AGAP5: variants seen among roughly 807,000 people sequenced by gnomAD.
The protein encoded by AGAP5 is ArfGAP with GTPase domain, ankyrin repeat and PH domain 5.
Under a neutral mutation model 27.7 loss-of-function variants are expected in AGAP5, and 8 were observed. The ratio of observed to expected loss-of-function variants is 0.29; its 90% CI spans 0.17 to 0.52. The LOEUF is 0.52. Among genes scored for constraint, AGAP5 ranks in the 20% least tolerant of loss-of-function variants. The probability of loss-of-function intolerance (pLI) is 0.97; values close to 1 mark genes in which losing one functional copy is unlikely to be tolerated. For missense variants in AGAP5, 285 were observed against 880.8 expected (o/e 0.32, Z 8.56); for synonymous variants, 111 against 338.0 (o/e 0.33, Z 7.37).
chr10:73,696,293 C>T (rs1325786039), intron 2 of AGAP5, among the ~76,000 whole-genome samples: 2 of 152,176 alleles, frequency 1.3e-5, no homozygotes, highest in Non-Finnish European at 2.9e-5. Context: ...GCTGGGATTA[C>T]AGGCGTGAGC....
At chr10:73,688,813 C>T (rs1324244758) in intron 4 of AGAP5, among the ~76,000 whole-genome samples, 1 of 152,054 alleles carries the variant, frequency 6.6e-6, no homozygotes, top group South Asian at 2.1e-4. Context: ...ATTTCAGAAC[C>T]TTAGAGAGAG....
intron 4 of AGAP5, among the ~76,000 whole-genome samples, chr10:73,688,988 G>A (rs569446568): frequency 1.3e-5 from 2 of 148,228 alleles, no homozygotes; most frequent in South Asian, 2.1e-4. Flanking sequence ...TGCCTCTGCC[G>A]CCTCCGCCTC....
intron 6 of AGAP5, among the ~76,000 whole-genome samples, chr10:73,679,387 C>A (rs906398716): frequency 6.6e-6 from 1 of 152,054 alleles, no homozygotes; most frequent in Non-Finnish European, 1.5e-5. Flanking sequence ...TGGTCTCGAT[C>A]TCCTGACCTT....
chr10:73,686,070 T>C (rs1210931552), intron 4 of AGAP5, among the ~76,000 whole-genome samples: 2 of 152,194 alleles, frequency 1.3e-5, no homozygotes, highest in African/African-American at 4.8e-5. Flanking sequence ...GAAATTTATA[T>C]GGACCAAACA....
intron 4 of AGAP5, among the ~76,000 whole-genome samples, chr10:73,689,677 G>A (rs1442384375): frequency 6.7e-6 from 1 of 149,074 alleles, no homozygotes; most frequent in African/African-American, 2.5e-5. Context: ...CTGCCCGGCC[G>A]CCCCGTCTGA....
chr10:73,695,502 C>T (rs2082153712), intron 2 of AGAP5, among the ~76,000 whole-genome samples: 1 of 152,206 alleles, frequency 6.6e-6, no homozygotes. Context: ...TGTGTAACAT[C>T]CATCAGGCTT....
chr10:73,676,374 G>A (rs2081980007), intron 7 of AGAP5, among the ~76,000 whole-genome samples: 1 of 140,656 alleles, frequency 7.1e-6, no homozygotes, highest in South Asian at 2.3e-4. Context: ...CAGTTACTCG[G>A]GAGGCTGAGG....
In AGAP5 at chr10:73,698,014, A is replaced by T. The variant is rs1020775397; in HGVS notation, c.-259T>A. ...AGGGTGAAGACCAGCTGGCTTATTT[A>T]ATAGGTTGTGAACCCAACAAGCGCT... is the stretch of plus-strand genomic sequence containing the variant. On this transcript the variant is annotated 5_prime_UTR_variant, in exon 1 of 8. Coordinates refer to ENST00000374094, the MANE Select transcript of AGAP5 (RefSeq NM_001144000.4). The T allele has an allele frequency of 6.9e-7, 1 of 1,442,986 alleles. No individual in the cohort carries two copies. The highest frequency in any genetic ancestry group is 1.4e-5 in the African/African-American group (1 of 70,186). The allele number at this position is 1,442,986 out of a possible 1,614,324, so 89.4% of individuals were successfully genotyped here.
At chr10:73,676,308 AG>A (rs1218332664) in intron 7 of AGAP5, among the ~76,000 whole-genome samples, 50,457 of 117,796 alleles carry the variant, frequency 0.43, 12,384 homozygotes, top group Non-Finnish European at 0.57. Context: ...AAAAAAAAAA[AG>A]AAAAGAAAAA....
intron 3 of AGAP5, 84 bp downstream of exon 3, chr10:73,694,652 T>G (rs2082146137): frequency 1.9e-5 from 31 of 1,591,224 alleles, no homozygotes; most frequent in Admixed American, 5.1e-5. Flanking sequence ...TAAACCAATA[T>G]GAGTTTTTCT....
chr10:73,686,190 A>G (rs2082062425), intron 4 of AGAP5, among the ~76,000 whole-genome samples: 1 of 152,252 alleles, frequency 6.6e-6, no homozygotes, highest in African/African-American at 2.4e-5. Context: ...ATAGCACGGT[A>G]CTGATATAAA....
At chr10:73,697,055 C>T in intron 2 of AGAP5, 40 bp downstream of exon 2, 1 of 1,596,928 alleles carries the variant, frequency 6.3e-7, no homozygotes, top group South Asian at 1.1e-5. Flanking sequence ...AACAAAGTCC[C>T]ACAGGATAAT....
intron 2 of AGAP5, 106 bp from the exon 3 acceptor site, chr10:73,694,910 T>A (rs2082148604): frequency 6.3e-7 from 1 of 1,586,442 alleles, no homozygotes. Flanking sequence ...ATCTCTACTT[T>A]GATTCTTATA....
At chr10:73,686,425 A>G (rs574407134) in intron 4 of AGAP5, among the ~76,000 whole-genome samples, 46 of 152,364 alleles carry the variant, frequency 3.0e-4, no homozygotes, top group African/African-American at 1.1e-3. Flanking sequence ...TCAAGGACAT[A>G]AATCTATGAC....
chr10:73,693,698 CAAAAA>C (rs200725473), intron 3 of AGAP5, among the ~76,000 whole-genome samples: 3 of 103,414 alleles, frequency 2.9e-5, no homozygotes, highest in South Asian at 6.4e-4. Flanking sequence ...GACTCCATTT[CAAAAA>C]AAAAAAAAAA....
chr10:73,694,504 AAATT>A (rs1358908150), intron 3 of AGAP5, among the ~76,000 whole-genome samples: 3 of 152,226 alleles, frequency 2.0e-5, no homozygotes, highest in Admixed American at 6.5e-5. Context: ...ATCACATGAC[AAATT>A]AATTGTGTTG....
intron 2 of AGAP5, among the ~76,000 whole-genome samples, chr10:73,695,878 C>A (rs1360638667): frequency 2.0e-5 from 3 of 152,092 alleles, no homozygotes; most frequent in Admixed American, 2.0e-4. Flanking sequence ...CATATTATTA[C>A]CCAGAATTAC....
intron 4 of AGAP5, among the ~76,000 whole-genome samples, chr10:73,691,672 A>G (rs2082120548): frequency 2.0e-5 from 3 of 152,048 alleles, no homozygotes; most frequent in Admixed American, 1.3e-4. Context: ...TTGTATTTTT[A>G]GTAGATACAG....
At chr10:73,686,691 T>C (rs2132450463) in intron 4 of AGAP5, among the ~76,000 whole-genome samples, 1 of 152,104 alleles carries the variant, frequency 6.6e-6, no homozygotes, top group South Asian at 2.1e-4. Flanking sequence ...CTCAAACAAA[T>C]TACAATTACA....
Sources: gnomAD v4.1 joint callset for allele counts (sites outside exome capture counted in the v4.1 genomes callset) on GRCh38, gnomAD v4.1.1 for gene constraint, MANE v1.5 for transcripts, NCBI Gene and HGNC (gene_info 2026-07-23, HGNC 2026-07-21) for gene names.